The following WDFY3 variants were observed in gnomAD, a reference collection of about 807,000 sequenced individuals.
WDFY3 encodes the protein WD repeat and FYVE domain containing 3, also known as WD repeat and FYVE domain-containing protein 3.
WDFY3 carries 66 observed loss-of-function variants against 409.6 expected under a neutral mutation model. That is an observed-to-expected ratio of 0.16 (90% CI 0.13 to 0.20). The LOEUF (loss-of-function observed/expected upper bound fraction) is 0.20, where lower values mean the gene tolerates loss of function less well. Ranked by LOEUF, WDFY3 falls within the 10% of genes least tolerant of loss-of-function variation. The probability of loss-of-function intolerance (pLI) is 1.00; values close to 1 mark genes in which losing one functional copy is unlikely to be tolerated. For missense variants in WDFY3, 3,031 were observed against 4,298.1 expected (o/e 0.71, Z 8.24); for synonymous variants, 1,521 against 1,537.1 (o/e 0.99, Z 0.25).
intron 2 of WDFY3, among the ~76,000 whole-genome samples, chr4:84,916,416 G>C (rs186373355): frequency 2.0e-5 from 3 of 152,142 alleles, no homozygotes; most frequent in Non-Finnish European, 4.4e-5. Context: ...TTATGCAAAT[G>C]ATTTACAATC....
intron 3 of WDFY3, among the ~76,000 whole-genome samples, chr4:84,881,774 G>A (rs1164518693): frequency 1.3e-5 from 2 of 151,882 alleles, no homozygotes; most frequent in African/African-American, 4.8e-5. Flanking sequence ...TGAGGTCCCA[G>A]GTTGAGGTAA....
At chr4:84,848,497 C>T (rs1216607555) in intron 5 of WDFY3, among the ~76,000 whole-genome samples, 2 of 152,176 alleles carry the variant, frequency 1.3e-5, no homozygotes, top group African/African-American at 4.8e-5. Context: ...AGAGCTAAGA[C>T]ACCCACCACT....
chr4:84,776,024 T>A (rs1745487971), intron 27 of WDFY3, among the ~76,000 whole-genome samples: 1 of 151,996 alleles, frequency 6.6e-6, no homozygotes, highest in South Asian at 2.1e-4. Context: ...GAATAAAGAA[T>A]GCTATAAATA....
intron 19 of WDFY3, 43 bp from the exon 20 acceptor site, chr4:84,795,022 CCTTCT>C (rs1430973374): frequency 1.4e-6 from 2 of 1,403,928 alleles, no homozygotes; most frequent in East Asian, 4.8e-5. Flanking sequence ...ATCAATGACT[CCTTCT>C]CTTAACACTG....
At chr4:84,937,702 A>G (rs1326042002) in intron 1 of WDFY3, among the ~76,000 whole-genome samples, 1 of 152,112 alleles carries the variant, frequency 6.6e-6, no homozygotes, top group Non-Finnish European at 1.5e-5. Flanking sequence ...AGAGTAGGCC[A>G]TTTTTTTAAA....
At chr4:84,702,073 T>A (rs552240586) in intron 56 of WDFY3, among the ~76,000 whole-genome samples, 1 of 152,292 alleles carries the variant, frequency 6.6e-6, no homozygotes, top group East Asian at 1.9e-4. Flanking sequence ...CAGTTCACGA[T>A]CTCAGCTCAC....
At chr4:84,939,404 T>A (rs986186582) in intron 1 of WDFY3, among the ~76,000 whole-genome samples, 10 of 152,156 alleles carry the variant, frequency 6.6e-5, no homozygotes, top group Admixed American at 1.3e-4. Flanking sequence ...GTACACAGTC[T>A]GTGGGGTGAT....
Position 84,695,509 on chromosome 4 carries a change from T to TAGAGAGAG in WDFY3, c.8901+453_8901+460dup, listed in dbSNP as rs869147060. Among the ~76,000 whole-genome samples, 792 of 107,332 alleles carry TAGAGAGAG rather than the reference T, an allele frequency of 7.4e-3. 18 individuals carry two copies. Among genetic ancestry groups the TAGAGAGAG allele is most frequent in the South Asian group, 0.025 (71 of 2,830 alleles). The allele number at this position is 107,332 out of a possible 152,430, so 70.4% of individuals were successfully genotyped here. ...ACACACACACAGAGACAGAGAGAGA[T>TAGAGAGAG]AGAGAGAGAGAGAGAGAGAGAGAGA... On this transcript the variant is annotated intron_variant, in intron 58 of 67. Coordinates refer to ENST00000295888, the MANE Select transcript of WDFY3 (RefSeq NM_014991.6).
intron 30 of WDFY3, among the ~76,000 whole-genome samples, chr4:84,771,527 T>C (rs903054259): frequency 6.6e-6 from 1 of 152,212 alleles, no homozygotes; most frequent in Non-Finnish European, 1.5e-5. Context: ...AGTCAGCCTA[T>C]ATTAATTTAG....
At chr4:84,856,225 A>G (rs960256561) in intron 4 of WDFY3, among the ~76,000 whole-genome samples, 2 of 152,246 alleles carry the variant, frequency 1.3e-5, no homozygotes, top group African/African-American at 4.8e-5. Flanking sequence ...AAAAAAGGAC[A>G]CTGTATTACA....
chr4:84,881,004 C>T (rs907209543), intron 3 of WDFY3, among the ~76,000 whole-genome samples: 6 of 151,770 alleles, frequency 4.0e-5, no homozygotes, highest in Non-Finnish European at 5.9e-5. Flanking sequence ...ATTACAGGTA[C>T]GACCCACTGT....
chr4:84,877,124 G>T (rs1197317932), intron 3 of WDFY3, among the ~76,000 whole-genome samples: 4 of 152,106 alleles, frequency 2.6e-5, no homozygotes, highest in Non-Finnish European at 5.9e-5. Context: ...AAATTTTAAG[G>T]CTCTTTATTA....
At chr4:84,953,726 T>C (rs901030073) in intron 1 of WDFY3, among the ~76,000 whole-genome samples, 2 of 152,112 alleles carry the variant, frequency 1.3e-5, no homozygotes, top group African/African-American at 4.8e-5. Context: ...TACTTAAATA[T>C]TATATTTGGG....
chr4:84,730,120 A>G (rs964710158), intron 44 of WDFY3, among the ~76,000 whole-genome samples: 2 of 152,182 alleles, frequency 1.3e-5, no homozygotes, highest in Non-Finnish European at 2.9e-5. Context: ...ACTTCCATTG[A>G]GTCCCTTTCA....
intron 41 of WDFY3, among the ~76,000 whole-genome samples, chr4:84,736,541 T>A (rs112769269): frequency 7.2e-5 from 11 of 152,042 alleles, no homozygotes; most frequent in Non-Finnish European, 1.6e-4. Flanking sequence ...TGATAGTTGG[T>A]TGAAAGTTCA....
chr4:84,792,950 C>T (rs909229032), intron 21 of WDFY3, among the ~76,000 whole-genome samples: 1 of 151,938 alleles, frequency 6.6e-6, no homozygotes, highest in East Asian at 1.9e-4. Flanking sequence ...GCAGACAAAA[C>T]AAATTAAAAA....
chr4:84,736,944 C>T (rs1737542037), intron 41 of WDFY3, among the ~76,000 whole-genome samples: 1 of 148,506 alleles, frequency 6.7e-6, no homozygotes, highest in African/African-American at 2.5e-5. Flanking sequence ...GTTAGCAATG[C>T]ATTACATTCT....
chr4:84,702,601 GTGAC>G, intron 55 of WDFY3, 95 bp from the exon 56 acceptor site: 2 of 1,125,386 alleles, frequency 1.8e-6, no homozygotes, highest in Non-Finnish European at 2.4e-6. Flanking sequence ...ACTATAGTTG[GTGAC>G]ATTTCAATTT....
intron 1 of WDFY3, among the ~76,000 whole-genome samples, chr4:84,939,034 G>A (rs371974714): frequency 6.6e-6 from 1 of 152,062 alleles, no homozygotes; most frequent in East Asian, 1.9e-4. Context: ...CATCCTGCAT[G>A]GTATATTTTC....
Sources: allele counts gnomAD v4.1 joint callset (sites outside exome capture counted in the v4.1 genomes callset), GRCh38; gene constraint gnomAD v4.1.1; transcripts MANE v1.5; gene names NCBI Gene and HGNC (gene_info 2026-07-23, HGNC 2026-07-21).